The following SPATA1 variants were observed in gnomAD, a reference collection of about 807,000 sequenced individuals.
The protein encoded by SPATA1 is spermatogenesis-associated protein 1.
SPATA1 carries 57 observed loss-of-function variants against 59.6 expected under a neutral mutation model. That is an observed-to-expected ratio of 0.96 (90% CI 0.77 to 1.19). SPATA1 has a LOEUF of 1.19. Among genes scored for constraint, SPATA1 ranks in the 50% most tolerant of loss-of-function variants. The pLI is 0.00. For missense variants in SPATA1, 448 were observed against 480.7 expected, an observed-to-expected ratio of 0.93 and a Z score of 0.64; for synonymous variants, 147 against 163.9, an observed-to-expected ratio of 0.90 and a Z score of 0.79.
chr1:84,519,973 G>C (rs1317857071), intron 2 of SPATA1: 1 of 152,058 alleles, frequency 6.6e-6, no homozygotes, highest in Non-Finnish European at 1.5e-5. Context: ...CTAAATAGAA[G>C]GATTCTAATC....
chr1:84,550,539 C>T lies in SPATA1; in HGVS notation c.1224+9C>T. On this transcript the variant is annotated intron_variant, in intron 12 of 12. Coordinates refer to ENST00000490879, the Ensembl canonical transcript of SPATA1. ...TCATAGTAGAAGTTAAGGTAATTTA[C>T]ATTTTTCCTAATCAGATTATTATAA... The T allele has an allele frequency of 1.3e-6, 2 of 1,507,758 alleles. No individual in the cohort carries two copies. Among genetic ancestry groups the T allele is most frequent in the East Asian group, 2.5e-5 (1 of 40,264 alleles). The allele number at this position is 1,507,758 out of a possible 1,614,324, so 93.4% of individuals were successfully genotyped here.
downstream of SPATA1, among the ~76,000 whole-genome samples, chr1:84,557,573 A>C (rs1371887306): frequency 7.3e-6 from 1 of 137,546 alleles, no homozygotes; most frequent in East Asian, 2.2e-4. Context: ...AAAAAGAAGG[A>C]GGCTGGGCGC....
intron 4 of SPATA1, among the ~76,000 whole-genome samples, chr1:84,562,184 G>A (rs577515449): frequency 4.6e-5 from 7 of 152,270 alleles, no homozygotes; most frequent in South Asian, 2.1e-4. Context: ...CAAGAGGGGC[G>A]TACAGTATAT....
chr1:84,541,094 G>A (rs1304382769), intron 8 of SPATA1, among the ~76,000 whole-genome samples: 2 of 152,174 alleles, frequency 1.3e-5, no homozygotes, highest in African/African-American at 4.8e-5. Flanking sequence ...ATGCCAACTT[G>A]ATTTTCTTTG....
chr1:84,522,364 TATAAGGCA>T lies in SPATA1; in HGVS notation c.144-23_144-16del, dbSNP rs2101940825. ...ATCCAAAATCTATTTCATTTTATAT[TATAAGGCA>T]ATTTTATAATATTTCAGAGTATCTC... On this transcript the variant is annotated intron_variant, in intron 3 of 12. Transcript: ENST00000490879. 7.6e-7 allele frequency: 1 copy of T among 1,321,588 alleles called. No homozygotes were observed. The highest frequency in any genetic ancestry group is 2.6e-5 in the Admixed American group (1 of 38,184). The allele number at this position is 1,321,588 out of a possible 1,614,324, so 81.9% of individuals were successfully genotyped here.
chr1:84,546,480 A>C (rs1246251644), intron 10 of SPATA1, among the ~76,000 whole-genome samples: 2 of 141,448 alleles, frequency 1.4e-5, no homozygotes, highest in African/African-American at 2.7e-5. Flanking sequence ...AAAAAAAAAA[A>C]CTTGATGAAA....
At chr1:84,554,352 C>G (rs1386822986) in exon 13 of SPATA1, 2 of 152,060 alleles carry the variant, frequency 1.3e-5, no homozygotes, top group Non-Finnish European at 2.9e-5. Context: ...CTTACCAATT[C>G]AAAATATTAC....
chr1:84,548,832 A>G (rs762374659), exon 11 of SPATA1: 11 of 1,559,422 alleles, frequency 7.1e-6, no homozygotes, highest in Non-Finnish European at 2.6e-6. Context: ...AGAAAGTCAC[A>G]GCATCAATGG....
chr1:84,524,195 G>A (rs183012706), intron 4 of SPATA1, among the ~76,000 whole-genome samples: 29 of 152,258 alleles, frequency 1.9e-4, no homozygotes, highest in African/African-American at 6.5e-4. Context: ...GATGAAAGGT[G>A]AGAAAAGCTT....
intron 8 of SPATA1, among the ~76,000 whole-genome samples, chr1:84,538,731 A>T (rs2101986879): frequency 6.6e-6 from 1 of 152,330 alleles, no homozygotes; most frequent in South Asian, 2.1e-4. Flanking sequence ...GGACTTAAAC[A>T]AGAGAAGGCT....
At chr1:84,513,193 C>T (rs1370663124) in intron 1 of SPATA1, among the ~76,000 whole-genome samples, 7 of 152,172 alleles carry the variant, frequency 4.6e-5, no homozygotes, top group East Asian at 1.9e-4. Flanking sequence ...AATCTCGGCT[C>T]GGCGCAATCT....
intron 4 of SPATA1, among the ~76,000 whole-genome samples, chr1:84,560,411 T>G (rs1449854451): frequency 6.6e-6 from 1 of 152,216 alleles, no homozygotes; most frequent in Non-Finnish European, 1.5e-5. Context: ...TCTGTTTGCA[T>G]TAGCTCATGC....
downstream of SPATA1, chr1:84,555,066 T>C (rs966691223): frequency 6.2e-7 from 1 of 1,614,018 alleles, no homozygotes; most frequent in Non-Finnish European, 8.5e-7. Context: ...GGCTACAGCA[T>C]CTCCAGAGTA....
At chr1:84,546,427 C>T (rs887754930) in intron 10 of SPATA1, among the ~76,000 whole-genome samples, 1 of 134,270 alleles carries the variant, frequency 7.4e-6, no homozygotes, top group Non-Finnish European at 1.5e-5. Context: ...CACTGCACTC[C>T]AGCATGGGTG....
intron 10 of SPATA1, among the ~76,000 whole-genome samples, chr1:84,547,147 A>C (rs1249389268): frequency 1.3e-5 from 2 of 152,224 alleles, no homozygotes; most frequent in East Asian, 3.8e-4. Flanking sequence ...AAGTGGTGGC[A>C]ATGAGTCAGC....
chr1:84,522,439 T>G (rs752809210), exon 4 of SPATA1: 6 of 1,540,162 alleles, frequency 3.9e-6, no homozygotes, highest in Non-Finnish European at 4.4e-6. Context: ...TCTTGGTGAG[T>G]TCCTGGGTGA....
chr1:84,554,098 G>A (rs572456610), exon 13 of SPATA1: 8 of 152,142 alleles, frequency 5.3e-5, no homozygotes, highest in East Asian at 1.9e-4. Context: ...ACAACATAGC[G>A]AGACCCTGTC....
chr1:84,551,720 T>A (rs1291872717), intron 12 of SPATA1: 1 of 152,124 alleles, frequency 6.6e-6, no homozygotes, highest in Non-Finnish European at 1.5e-5. Flanking sequence ...GAGGATAATT[T>A]TTAACAAAAT....
chr1:84,564,259 T>C (rs1416632429), intron 4 of SPATA1, among the ~76,000 whole-genome samples: 1 of 152,192 alleles, frequency 6.6e-6, no homozygotes, highest in Non-Finnish European at 1.5e-5. Context: ...GTGTTCCATG[T>C]TTTGCAAATA....
Sources: gnomAD v4.1 joint callset for allele counts (sites outside exome capture counted in the v4.1 genomes callset) on GRCh38, gnomAD v4.1.1 for gene constraint, MANE v1.5 for transcripts, NCBI Gene and HGNC (gene_info 2026-07-23, HGNC 2026-07-21) for gene names.